SLC19A1: variants seen among roughly 807,000 people sequenced by gnomAD.
SLC19A1 encodes reduced folate transporter.
In SLC19A1, 37 loss-of-function variants were observed where a neutral mutation model predicts 35.3. That is an observed-to-expected ratio of 1.05 (90% CI 0.81 to 1.38). The LOEUF (loss-of-function observed/expected upper bound fraction) is 1.38. Among genes scored for constraint, SLC19A1 ranks in the 40% most tolerant of loss-of-function variants. SLC19A1 has a pLI of 0.00. For synonymous variants in SLC19A1, 460 were observed against 398.5 expected (o/e 1.15, Z -1.84); for missense variants, 831 against 826.9 (o/e 1.00, Z -0.06).
Position 45,539,264 on chromosome 21 carries a change from C to T in SLC19A1, c.-49-1256G>A, listed in dbSNP as rs987502095. 2.6e-5 allele frequency among the ~76,000 whole-genome samples: 4 copies of T among 152,204 alleles called. No individual in the cohort carries two copies. In the East Asian group the frequency reaches 5.8e-4, roughly 22 times the overall value. ...GTCTGTATCAGCTGACCTCTGCTCC[C>T]GGAGGCCAGGCCTGGCAGAGTGCAC... On this transcript the variant is annotated intron_variant, in intron 1 of 5. Transcript: ENST00000311124.
upstream of SLC19A1, among the ~76,000 whole-genome samples, chr21:45,545,984 G>A (rs529237381): frequency 3.3e-5 from 5 of 152,260 alleles, no homozygotes; most frequent in East Asian, 5.8e-4. Context: ...CCAGGCCTTC[G>A]CCCCCACTTT....
chr21:45,540,429 GC>G lies in SLC19A1; in HGVS notation c.-50+1938del, dbSNP rs2078268414. ...GGGCCCGGGAGCCCTGGGTACTTGG[GC>G]CCCCTGTTCTGAAAGGTGCCACCTC... On this transcript the variant is annotated intron_variant, in intron 1 of 5. Transcript: ENST00000311124. This position sits in a 1 kb window ranked among gnomAD's most constrained non-coding sequence, Gnocchi z 5.5. 6.6e-6 allele frequency among the ~76,000 whole-genome samples: 1 copy of G among 152,112 alleles called. No homozygotes were observed. The highest frequency in any genetic ancestry group is 1.5e-5 in the Non-Finnish European group (1 of 68,008).
rs769833457 is a variant in SLC19A1 at position 45,533,563 on chromosome 21, C to T, written c.190-1415G>A. 3.9e-5 allele frequency among the ~76,000 whole-genome samples: 6 copies of T among 151,958 alleles called. No homozygotes were observed. The East Asian group carries it at 7.8e-4, about 20-fold the overall frequency. Reference sequence around the variant, plus strand: ...CAGGTGCATTTTCAGCAGGTGGCCCCGCCCACAGGCCCCACCAGACCCCAC... The same window carrying T: ...CAGGTGCATTTTCAGCAGGTGGCCCTGCCCACAGGCCCCACCAGACCCCAC... On this transcript the variant is annotated intron_variant, in intron 2 of 5. Transcript: ENST00000311124. This position sits in a 1 kb window ranked among gnomAD's most constrained non-coding sequence, Gnocchi z 4.5.
At chr21:45,511,875 G>A (rs944348288), downstream of SLC19A1, among the ~76,000 whole-genome samples, 6 of 152,200 alleles carry the variant, frequency 3.9e-5, no homozygotes, top group Admixed American at 1.3e-4. Flanking sequence ...GGTTCCTAGC[G>A]AGGCAGCCAC....
chr21:45,505,207 A>G lies in SLC19A1; in HGVS notation c.498-6595T>C, dbSNP rs1328188989. 1.9e-6 allele frequency: 3 copies of G among 1,602,698 alleles called. No individual in the cohort carries two copies. The highest frequency in any genetic ancestry group is 2.7e-5 in the African/African-American group (2 of 74,520). ...CAGGGACCCCCCGGCATCGGCTACG[A>G]GGGGCGCCAGGGCCCTCCCGGCCCC... On this transcript the variant is annotated intron_variant, in intron 3 of 4. Coordinates refer to the SLC19A1 transcript ENST00000417954.
Position 45,537,634 on chromosome 21 carries a change from G to C in SLC19A1, c.189+137C>G, listed in dbSNP as rs1247469526. The stretch of plus-strand genomic sequence containing the variant: ...AGCCGCCCTGGCACCCAGCGCCCAC[G>C]TGCCTATTCCAGAAGCTGCTCCCTG... On this transcript the variant is annotated intron_variant, in intron 2 of 5. Coordinates refer to ENST00000311124, the MANE Select transcript of SLC19A1 (RefSeq NM_194255.4). 1.8e-5 allele frequency: 6 copies of C among 335,094 alleles called. No homozygotes were observed. The East Asian group carries it at 3.6e-4, about 20-fold the overall frequency. 20.8% of individuals were successfully genotyped at this position (335,094 alleles called of 1,614,324 possible).
At chr21:45,551,503 C>T (rs1235409656) in intron 1 of SLC19A1, among the ~76,000 whole-genome samples, 2 of 152,174 alleles carry the variant, frequency 1.3e-5, no homozygotes, top group Admixed American at 6.5e-5. Flanking sequence ...TCAGCCTCTA[C>T]GTAGGACGTG....
At chr21:45,525,682 C>T (rs1175168385) in intron 5 of SLC19A1, 135 bp downstream of exon 5, 2 of 931,502 alleles carry the variant, frequency 2.1e-6, no homozygotes, top group South Asian at 3.2e-5. Flanking sequence ...TGGTGTGTCC[C>T]ACTGGAAGCC....
At chr21:45,547,304 A>G (rs1025387355), upstream of SLC19A1, among the ~76,000 whole-genome samples, 13 of 152,328 alleles carry the variant, frequency 8.5e-5, no homozygotes, top group East Asian at 3.9e-4. Flanking sequence ...TAAGCCCCCA[A>G]CCGTCTGAAC....
chr21:45,509,618 A>T, downstream of SLC19A1: 1 of 1,363,938 alleles, frequency 7.3e-7, no homozygotes, highest in Non-Finnish European at 1.0e-6. Context: ...GCCCCCCCAA[A>T]GTGGGCTTGG....
intron 2 of SLC19A1, among the ~76,000 whole-genome samples, chr21:45,532,379 T>G (rs1450548322): frequency 6.6e-6 from 1 of 152,256 alleles, no homozygotes; most frequent in African/African-American, 2.4e-5. Flanking sequence ...TGCGGAAAGC[T>G]GGCAGTGGCC....
chr21:45,503,807 AAAT>A (rs1474203141), intron 3 of SLC19A1: 3 of 335,730 alleles, frequency 8.9e-6, no homozygotes, highest in African/African-American at 6.5e-5. Context: ...AAAAATTTAA[AAAT>A]AAAATAAAAA....
In SLC19A1 at chr21:45,549,769, G is replaced by A. The variant is rs886568248; in HGVS notation, c.-49-11761C>T. Among the ~76,000 whole-genome samples the A allele has an allele frequency of 2.5e-3, 310 of 124,216 alleles. 2 individuals carry two copies. Among genetic ancestry groups the A allele is most frequent in the African/African-American group, 9.0e-3 (284 of 31,668 alleles). The allele number at this position is 124,216 out of a possible 152,430, so 81.5% of individuals were successfully genotyped here. Reference sequence around the variant, plus strand: ...GGGGACAGGTGGTTGGTGGTGGGGAGGGGGACACTTGGCGGATTGTGGGGA... The same window carrying A: ...GGGGACAGGTGGTTGGTGGTGGGGAAGGGGACACTTGGCGGATTGTGGGGA... On this transcript the variant is annotated intron_variant, in intron 1 of 5. Coordinates refer to the SLC19A1 transcript ENST00000650808.
intron 3 of SLC19A1, chr21:45,506,950 C>T (rs2037244291): frequency 1.2e-5 from 3 of 250,804 alleles, no homozygotes; most frequent in African/African-American, 2.2e-5. Flanking sequence ...GAGCTGGTGC[C>T]CACTGTGTGC....
upstream of SLC19A1, among the ~76,000 whole-genome samples, chr21:45,544,982 A>G (rs2078398323): frequency 6.6e-6 from 1 of 152,198 alleles, no homozygotes; most frequent in South Asian, 2.1e-4. Flanking sequence ...CCCCGTCAGC[A>G]TAGGGAGGCA....
rs992247332 is a variant in SLC19A1, at chr21:45,505,571, C to T, written c.498-6959G>A. ...CAAGATGCGGTTTCCAGGGTGGAAG[C>T]GGGGCCAGGCCATGGGGGAATCAGG... On this transcript the variant is annotated intron_variant, in intron 3 of 4. Coordinates refer to the SLC19A1 transcript ENST00000417954. 3.5e-5 allele frequency: 24 copies of T among 685,638 alleles called. 1 individual carries two copies. Among genetic ancestry groups the T allele is most frequent in the South Asian group, 1.9e-4 (12 of 62,650 alleles). 42.5% of individuals were successfully genotyped at this position (685,638 alleles called of 1,614,324 possible). A position where few individuals can be genotyped will look rare whatever the true frequency, so the allele number is the denominator to read the frequency against.
At position 45,537,856 on chromosome 21, in the gene SLC19A1, T is replaced by C. The variant is rs2078178704; in HGVS notation, c.104A>G (p.Tyr35Cys). The C allele has an allele frequency of 6.2e-7, 1 of 1,608,214 alleles. No individual in the cohort carries two copies. Among genetic ancestry groups the C allele is most frequent in the Non-Finnish European group, 8.5e-7 (1 of 1,178,688 alleles). ...TGGCCGTATCTGCGCCATGAAGCCG[T>C]AGAAGCAAAGGTAGCACACGAGGTG... Reference protein sequence around the residue: ...WRHLVCYLCFYGFMAQIRPGE... With the variant: ...WRHLVCYLCFCGFMAQIRPGE... Residue 35 changes from tyrosine (Y) to cysteine (C), a missense_variant, in exon 2 of 6, where the codon TAC becomes TGC. By Grantham distance (194) the Tyr-to-Cys change is radical. Coordinates refer to ENST00000311124, the MANE Select transcript of SLC19A1 (RefSeq NM_194255.4).
chr21:45,553,021 GGCAAATC>G (rs946759738), intron 1 of SLC19A1, among the ~76,000 whole-genome samples: 27 of 152,246 alleles, frequency 1.8e-4, no homozygotes, highest in African/African-American at 5.8e-4. Context: ...TCTTCCTCCT[GGCAAATC>G]GCAGGGGGCA....
rs1382308064 is a variant in SLC19A1, at chr21:45,505,497, C to T, written c.498-6885G>A. 7 of 845,032 alleles carry T rather than the reference C, an allele frequency of 8.3e-6. No homozygotes were observed. In the East Asian group the frequency reaches 1.0e-4, roughly 13 times the overall value. 52.3% of individuals were successfully genotyped at this position (845,032 alleles called of 1,614,324 possible). A position where few individuals can be genotyped will look rare whatever the true frequency, so the allele number is the denominator to read the frequency against. On this transcript the variant is annotated intron_variant, in intron 3 of 4. Coordinates refer to the SLC19A1 transcript ENST00000417954. ...CCCTGGCTGGTTCTGCAGCCCCTGCCCCTCAGAGACACTCTCCCACGGACC... is the reference window on the plus strand; with the variant it reads ...CCCTGGCTGGTTCTGCAGCCCCTGCTCCTCAGAGACACTCTCCCACGGACC...
Sources: allele counts gnomAD v4.1 joint callset (sites outside exome capture counted in the v4.1 genomes callset), GRCh38; gene constraint gnomAD v4.1.1; non-coding constraint Gnocchi (gnomAD v3.1); transcripts MANE v1.5; gene names NCBI Gene and HGNC (gene_info 2026-07-23, HGNC 2026-07-21).